Variants in TANC2 observed in about 807,000 individuals in gnomAD.
The protein encoded by TANC2 is tetratricopeptide repeat, ankyrin repeat and coiled-coil containing 2, also known as protein TANC2.
A neutral mutation model predicts 210.5 loss-of-function variants in TANC2; 26 were observed. That is an observed-to-expected ratio of 0.12 (90% CI 0.09 to 0.17). The LOEUF (loss-of-function observed/expected upper bound fraction) is 0.17, where lower values mean the gene tolerates loss of function less well. Among genes scored for constraint, TANC2 ranks in the 10% least tolerant of loss-of-function variants. TANC2 has a pLI of 1.00. For missense variants in TANC2, 2,129 were observed against 2,608.9 expected (o/e 0.82, Z 4.01); for synonymous variants, 931 against 967.1 (o/e 0.96, Z 0.69).
At chr17:63,377,079 G>A (rs564634153) in intron 14 of TANC2, among the ~76,000 whole-genome samples, 2 of 152,266 alleles carry the variant, frequency 1.3e-5, no homozygotes, top group Admixed American at 6.5e-5. Flanking sequence ...CAGCTGGAAC[G>A]CAAGATACAA....
At chr17:63,071,624 A>G (rs899749334) in intron 2 of TANC2, among the ~76,000 whole-genome samples, 2 of 152,208 alleles carry the variant, frequency 1.3e-5, no homozygotes, top group African/African-American at 4.8e-5. Flanking sequence ...ATGAATAGAC[A>G]GAGACACCAA....
chr17:63,111,953 T>C (rs2038065034), intron 4 of TANC2, among the ~76,000 whole-genome samples: 1 of 152,186 alleles, frequency 6.6e-6, no homozygotes, highest in East Asian at 1.9e-4. Flanking sequence ...CTCGATCTCC[T>C]GACCTTGTGA....
intron 8 of TANC2, among the ~76,000 whole-genome samples, chr17:63,239,742 T>TA (rs1459583408): frequency 6.6e-6 from 1 of 152,178 alleles, no homozygotes; most frequent in Non-Finnish European, 1.5e-5. Context: ...TATAAAGAAA[T>TA]ACCTGAAACT....
At chr17:63,221,231 G>C (rs2042179451) in intron 7 of TANC2, among the ~76,000 whole-genome samples, 1 of 151,968 alleles carries the variant, frequency 6.6e-6, no homozygotes, top group Admixed American at 6.6e-5. Flanking sequence ...AGGAGTTCAA[G>C]ACCAGCCTGG....
At chr17:63,360,295 C>A (rs9908004) in intron 14 of TANC2, among the ~76,000 whole-genome samples, 4,860 of 152,280 alleles carry the variant, frequency 0.032, 87 homozygotes, top group African/African-American at 0.045. Flanking sequence ...GCTCCCAGAG[C>A]AGACCCTTAA....
intron 5 of TANC2, chr17:63,152,199 A>G (rs1055637367): frequency 2.0e-5 from 3 of 152,158 alleles, no homozygotes; most frequent in African/African-American, 7.2e-5. Context: ...TGCTCATTAA[A>G]ATTGATGTTA....
intron 9 of TANC2, among the ~76,000 whole-genome samples, chr17:63,312,941 T>A (rs1224730315): frequency 6.6e-6 from 1 of 152,200 alleles, no homozygotes; most frequent in East Asian, 1.9e-4. Context: ...TAGCCTTTTT[T>A]AAATGCTCAG....
intron 14 of TANC2, among the ~76,000 whole-genome samples, chr17:63,367,808 T>C (rs2047153534): frequency 6.6e-6 from 1 of 152,146 alleles, no homozygotes; most frequent in South Asian, 2.1e-4. Context: ...GAGAGGATGA[T>C]AGGAGGTGTC....
chr17:63,133,475 G>GA (rs201809968), intron 4 of TANC2, among the ~76,000 whole-genome samples: 18,978 of 146,104 alleles, frequency 0.13, 1,416 homozygotes, highest in Middle Eastern at 0.18. Flanking sequence ...TTTCGAAAAA[G>GA]AAAAAAAAAA....
rs547552344 is a variant in TANC2 at position 63,184,876 on chromosome 17, C to G, written c.434-9115C>G. On this transcript the variant is annotated intron_variant, in intron 5 of 27. Coordinates refer to ENST00000689528, the Ensembl canonical transcript of TANC2. ...TTCGCCATGTTGGTCAGATGATCCC[C>G]CCACCTCGGCCTCCCAAAGTGCTGG... Among the ~76,000 whole-genome samples the G allele has an allele frequency of 1.8e-3, 280 of 151,890 alleles. 1 individual carries two copies. The highest frequency in any genetic ancestry group is 6.5e-3 in the African/African-American group (270 of 41,436).
chr17:63,148,569 A>C (rs190124204), intron 4 of TANC2: 4 of 152,182 alleles, frequency 2.6e-5, no homozygotes, highest in Non-Finnish European at 4.4e-5. Context: ...TGAGGGCATA[A>C]GAATCGATGT....
At chr17:63,270,325 A>G (rs1344762469) in intron 9 of TANC2, among the ~76,000 whole-genome samples, 1 of 152,154 alleles carries the variant, frequency 6.6e-6, no homozygotes. Context: ...AACTTTCCTT[A>G]TGTTTCTTCA....
intron 15 of TANC2, 114 bp from the exon 16 acceptor site, chr17:63,388,521 G>A: frequency 9.2e-7 from 1 of 1,087,066 alleles, no homozygotes; most frequent in Non-Finnish European, 1.3e-6. Context: ...ACATTGTTAG[G>A]GTGAGACTCC....
Position 63,413,558 on chromosome 17 carries a change from C to T in TANC2, c.3944C>T (p.Ala1315Val), listed in dbSNP as rs2147358645. The stretch of plus-strand genomic sequence containing the variant: ...TACACTACAGGTCCAGCCACATGGG[C>T]GATGGCCACCTCCAAGCCAGACATC... The change falls in exon 25 of 28, where the codon GCG becomes GTG. Residue 1315 changes from alanine (A) to valine (V), a missense_variant. By Grantham distance (64) the Ala-to-Val change is moderately conservative. Around this residue, in one of 5 missense-constraint regions of TANC2, gnomAD observed 644 missense variants for 937.5 expected, o/e 0.69. Transcript: ENST00000689528. 3 of 1,597,062 alleles carry T rather than the reference C, an allele frequency of 1.9e-6. No individual in the cohort carries two copies. The highest frequency in any genetic ancestry group is 2.3e-5 in the East Asian group (1 of 44,340).
chr17:63,137,642 A>G (rs2039137110), intron 4 of TANC2, among the ~76,000 whole-genome samples: 1 of 152,220 alleles, frequency 6.6e-6, no homozygotes, highest in Non-Finnish European at 1.5e-5. Flanking sequence ...CACTTTGTAT[A>G]GTAAAACTCT....
chr17:63,389,811 A>G, intron 17 of TANC2: 2 of 449,276 alleles, frequency 4.5e-6, no homozygotes, highest in Non-Finnish European at 8.2e-6. Flanking sequence ...ACAACCCAGA[A>G]ATGATCTATT....
chr17:63,000,692 G>T (rs999100132), intron 1 of TANC2, among the ~76,000 whole-genome samples: 1 of 152,286 alleles, frequency 6.6e-6, no homozygotes, highest in East Asian at 1.9e-4. Flanking sequence ...TGTATCTGAT[G>T]ATTCCTCCTG....
intron 4 of TANC2, among the ~76,000 whole-genome samples, chr17:63,105,291 A>T (rs2037784079): frequency 6.6e-6 from 1 of 151,768 alleles, no homozygotes; most frequent in Non-Finnish European, 1.5e-5. Context: ...AATAAGTCAC[A>T]ATAACTGATT....
At chr17:63,185,962 T>C (rs2040968121) in intron 5 of TANC2, among the ~76,000 whole-genome samples, 1 of 152,236 alleles carries the variant, frequency 6.6e-6, no homozygotes, top group African/African-American at 2.4e-5. Context: ...GGTTGTTGCC[T>C]TTTGGGCCTT....
Sources: allele counts gnomAD v4.1 joint callset (sites outside exome capture counted in the v4.1 genomes callset), GRCh38; gene constraint gnomAD v4.1.1; regional missense constraint gnomAD v4.1.1; transcripts MANE v1.5; gene names NCBI Gene and HGNC (gene_info 2026-07-23, HGNC 2026-07-21).